The following AKAP13 variants were observed in gnomAD, a reference collection of about 807,000 sequenced individuals.
The protein encoded by AKAP13 is A-kinase anchor protein 13.
A neutral mutation model predicts 264.5 loss-of-function variants in AKAP13; 80 were observed. The ratio of observed to expected loss-of-function variants is 0.30; its 90% CI spans 0.25 to 0.36. The LOEUF is 0.36. Among genes scored for constraint, AKAP13 ranks in the 10% least tolerant of loss-of-function variants. The probability of loss-of-function intolerance (pLI) is 1.00; values close to 1 mark genes in which losing one functional copy is unlikely to be tolerated. For synonymous variants in AKAP13, 1,380 were observed against 1,250.2 expected, an observed-to-expected ratio of 1.10 and a Z score of -2.19; for missense variants, 3,712 against 3,435.2, an observed-to-expected ratio of 1.08 and a Z score of -2.01.
chr15:85,604,384 G>C (rs1252532917), intron 8 of AKAP13, among the ~76,000 whole-genome samples: 1 of 151,652 alleles, frequency 6.6e-6, no homozygotes, highest in Non-Finnish European at 1.5e-5. Context: ...CAAGAGAGGT[G>C]ATTCATCTTT....
At chr15:85,738,728 C>T (rs2088726414) in intron 33 of AKAP13, among the ~76,000 whole-genome samples, 1 of 151,270 alleles carries the variant, frequency 6.6e-6, no homozygotes, top group Non-Finnish European at 1.5e-5. Context: ...GTCCCAGCTA[C>T]TCGGGAGGCT....
intron 27 of AKAP13, chr15:85,726,857 G>A (rs2087647513): frequency 1.7e-6 from 1 of 600,944 alleles, no homozygotes; most frequent in African/African-American, 1.9e-5. Context: ...GGAACCTTTA[G>A]AGCCATAAAT....
Position 85,744,832 on chromosome 15 carries a change from G to T in AKAP13, c.*155G>T, listed in dbSNP as rs992034208. The T allele has an allele frequency of 2.6e-5, 16 of 611,278 alleles. No homozygotes were observed. The highest frequency in any genetic ancestry group is 5.5e-6 in the Non-Finnish European group (2 of 361,324). The allele number at this position is 611,278 out of a possible 1,614,324, so 37.9% of individuals were successfully genotyped here. A position where few individuals can be genotyped will look rare whatever the true frequency, so the allele number is the denominator to read the frequency against. ...CCCAGGTCCTGGACAATAAGCAACA[G>T]ATGATATTGAGTGTCGGGTGGGGAA... On this transcript the variant is annotated 3_prime_UTR_variant, in exon 37 of 37. Coordinates refer to ENST00000394518, the MANE Select transcript of AKAP13 (RefSeq NM_007200.5).
intron 25 of AKAP13, 24 bp downstream of exon 25, chr15:85,722,371 C>G: frequency 6.3e-7 from 1 of 1,579,446 alleles, no homozygotes; most frequent in East Asian, 2.2e-5. Flanking sequence ...CTAACTCGGT[C>G]TTGTATGGTC....
intron 35 of AKAP13, among the ~76,000 whole-genome samples, chr15:85,742,705 T>G (rs767815954): frequency 6.6e-5 from 10 of 152,234 alleles, no homozygotes; most frequent in Admixed American, 1.3e-4. Context: ...TTTCGAAACA[T>G]GGATGCTTGT....
chr15:85,662,859 CTCA>C (rs1195805611), intron 12 of AKAP13, among the ~76,000 whole-genome samples: 1 of 151,968 alleles, frequency 6.6e-6, no homozygotes, highest in Non-Finnish European at 1.5e-5. Flanking sequence ...TCAGAGACTC[CTCA>C]TCGTTTCATA....
intron 8 of AKAP13, among the ~76,000 whole-genome samples, chr15:85,591,099 G>GTTT (rs1014637931): frequency 1.3e-5 from 2 of 152,202 alleles, no homozygotes; most frequent in African/African-American, 2.4e-5. Context: ...GAACCTTAAA[G>GTTT]ATTTTCTGAA....
chr15:85,532,547 C>T (rs1172462609), intron 3 of AKAP13, among the ~76,000 whole-genome samples: 5 of 152,180 alleles, frequency 3.3e-5, no homozygotes, highest in African/African-American at 4.8e-5. Flanking sequence ...ACTCTACTTT[C>T]TTTTCTGTCA....
At chr15:85,501,097 T>C (rs1160032443) in intron 2 of AKAP13, among the ~76,000 whole-genome samples, 2 of 152,230 alleles carry the variant, frequency 1.3e-5, no homozygotes, top group African/African-American at 4.8e-5. Flanking sequence ...GATCTTCACC[T>C]ACCATCACTC....
chr15:85,521,364 A>G (rs1411297576), intron 2 of AKAP13, 64 bp from the exon 3 acceptor site: 2 of 1,564,472 alleles, frequency 1.3e-6, no homozygotes, highest in Non-Finnish European at 8.7e-7. Flanking sequence ...ATGATGTTTG[A>G]TAAAGATAGG....
At chr15:85,736,940 G>T (rs528041213) in intron 33 of AKAP13, among the ~76,000 whole-genome samples, 1 of 138,842 alleles carries the variant, frequency 7.2e-6, no homozygotes, top group Non-Finnish European at 1.5e-5. Flanking sequence ...TTTTTCTGGG[G>T]ATGGATCTTG....
rs368871812 is a variant in AKAP13, at chr15:85,558,485, C to T, written c.662+14530C>T. Among the ~76,000 whole-genome samples, 29 of 152,256 alleles carry T rather than the reference C, an allele frequency of 1.9e-4. No homozygotes were observed. In the East Asian group the frequency reaches 5.0e-3, roughly 26 times the overall value. On this transcript the variant is annotated intron_variant, in intron 5 of 36. Coordinates refer to ENST00000394518, the MANE Select transcript of AKAP13 (RefSeq NM_007200.5). ...TTGAATTTTAGTGATGATAACCTCA[C>T]ACATAGTTAAGTGAACTTCGTGCCT... is the stretch of plus-strand genomic sequence containing the variant.
chr15:85,519,888 C>G (rs781308772), intron 2 of AKAP13, among the ~76,000 whole-genome samples: 3 of 152,146 alleles, frequency 2.0e-5, no homozygotes, highest in Non-Finnish European at 2.9e-5. Flanking sequence ...GTATGTTTCT[C>G]TTGTTGGCTT....
rs769750946 is a variant in AKAP13, at chr15:85,741,238, C to G, written c.7801C>G (p.Arg2601Gly). The G allele has an allele frequency of 7.5e-6, 12 of 1,608,844 alleles. No individual in the cohort carries two copies. The Admixed American group carries it at 1.0e-4, about 14-fold the overall frequency. Residue 2601 changes from arginine to glycine, a missense_variant, in exon 35 of 37, where the codon CGC becomes GGC. Around this residue, in one of 3 missense-constraint regions of AKAP13, gnomAD observed 611 missense variants for 539.3 expected, o/e 1.13. Transcript: ENST00000394518. ...CCAGTACCTCGAGGAGAAGCGCAGG[C>G]GCGAGCGTGAGTGGGAAGCTCGTGA... ...QAQYLEEKRRREREWEARERE... is the reference protein window; with the variant it reads ...QAQYLEEKRRGEREWEARERE...
At chr15:85,667,325 G>A (rs560075434) in intron 13 of AKAP13, among the ~76,000 whole-genome samples, 343 of 152,170 alleles carry the variant, frequency 2.3e-3, no homozygotes, top group Non-Finnish European at 4.0e-3. Context: ...AGTGAATTTT[G>A]CCCCTTTTAA....
intron 8 of AKAP13, among the ~76,000 whole-genome samples, chr15:85,601,014 A>G (rs183424125): frequency 5.3e-5 from 8 of 152,342 alleles, no homozygotes; most frequent in South Asian, 2.1e-4. Context: ...TTGCTACACT[A>G]TATTTCTAAA....
chr15:85,457,114 C>T (rs2074307734), intron 1 of AKAP13, among the ~76,000 whole-genome samples: 1 of 152,058 alleles, frequency 6.6e-6, no homozygotes, highest in African/African-American at 2.4e-5. Context: ...ATGAATTGCC[C>T]CAGACCTCAT....
At chr15:85,520,721 A>C (rs2076792263) in intron 2 of AKAP13, 1 of 518,780 alleles carries the variant, frequency 1.9e-6, no homozygotes, top group African/African-American at 1.9e-5. Context: ...TTATAGACCG[A>C]GAGTTGAACA....
intron 9 of AKAP13, 67 bp downstream of exon 9, chr15:85,639,516 A>G: frequency 8.7e-7 from 1 of 1,143,148 alleles, no homozygotes; most frequent in Non-Finnish European, 1.3e-6. Context: ...TTTTATTTGG[A>G]GATCTGCCCT....
Sources: allele counts gnomAD v4.1 joint callset (sites outside exome capture counted in the v4.1 genomes callset), GRCh38; gene constraint gnomAD v4.1.1; regional missense constraint gnomAD v4.1.1; transcripts MANE v1.5; gene names NCBI Gene and HGNC (gene_info 2026-07-23, HGNC 2026-07-21).